The following CILK1 variants were observed in gnomAD, a reference collection of about 807,000 sequenced individuals.
The protein encoded by CILK1 is serine/threonine-protein kinase ICK.
In CILK1, 47 loss-of-function variants were observed where a neutral mutation model predicts 79.2. That is an observed-to-expected ratio of 0.59 (90% CI 0.47 to 0.76). The LOEUF (loss-of-function observed/expected upper bound fraction) is 0.76, where lower values mean the gene tolerates loss of function less well. Ranked by LOEUF, CILK1 falls within the 30% of genes least tolerant of loss-of-function variation. The pLI, the probability that CILK1 is intolerant of heterozygous loss-of-function variation, is 0.00. For synonymous variants in CILK1, 266 were observed against 275.9 expected, an observed-to-expected ratio of 0.96 and a Z score of 0.36; for missense variants, 660 against 769.5, an observed-to-expected ratio of 0.86 and a Z score of 1.68.
intron 3 of CILK1, 136 bp downstream of exon 3, chr6:53,037,803 G>C (rs1766456974): frequency 3.1e-6 from 2 of 639,826 alleles, no homozygotes; most frequent in Non-Finnish European, 5.6e-6. Flanking sequence ...TGCTTCAGCT[G>C]TAATGTTATC....
In CILK1 at chr6:53,031,158, A is replaced by G. The variant is rs1310173810; in HGVS notation, c.279-14T>C. On this transcript the variant is annotated splice_polypyrimidine_tract_variant and intron_variant, in intron 4 of 13. Coordinates refer to ENST00000676107, the MANE Select transcript of CILK1 (RefSeq NM_014920.5). ...AACAACTTATTTCTGTATGAGGCAG[A>G]GGAAAACAAAGTTATAAATCAAAGG... 1 of 1,517,728 alleles carries G rather than the reference A, an allele frequency of 6.6e-7. No individual in the cohort carries two copies. The highest frequency in any genetic ancestry group is 1.4e-5 in the African/African-American group (1 of 73,034). 94.0% of individuals were successfully genotyped at this position (1,517,728 alleles called of 1,614,324 possible).
chr6:53,050,193 T>A lies in CILK1; in HGVS notation c.-172-8785A>T, dbSNP rs552974362. Reference sequence around the variant, plus strand: ...CAAAAATTTGATACTTGACAAGACATCACAATTCCAGCCTGAAATCTCTGA... The same window carrying A: ...CAAAAATTTGATACTTGACAAGACAACACAATTCCAGCCTGAAATCTCTGA... On this transcript the variant is annotated intron_variant, in intron 1 of 13. Coordinates refer to ENST00000676107, the MANE Select transcript of CILK1 (RefSeq NM_014920.5). Among the ~76,000 whole-genome samples, 4 of 152,182 alleles carry A rather than the reference T, an allele frequency of 2.6e-5. No individual in the cohort carries two copies. The South Asian group carries it at 8.3e-4, about 32-fold the overall frequency.
In CILK1 at chr6:53,018,493, G is replaced by T; in HGVS notation, c.500C>A (p.Ala167Asp). The T allele has an allele frequency of 1.9e-6, 3 of 1,614,126 alleles. No homozygotes were observed. Among genetic ancestry groups the T allele is most frequent in the South Asian group, 1.1e-5 (1 of 91,072 alleles). Residue 167 changes from alanine to aspartate, a missense_variant, in exon 7 of 14, where the codon GCT becomes GAT. Coordinates refer to ENST00000676107, the MANE Select transcript of CILK1 (RefSeq NM_014920.5). ...GGTAGACCTCAGGAGTACTTCTGGA[G>T]CCCTGTACCTGGAGGAACAAAGGTT... ...TDYVSTRWYRAPEVLLRSTNY... is the reference protein window; with the variant it reads ...TDYVSTRWYRDPEVLLRSTNY...
At position 53,002,623 on chromosome 6, in the gene CILK1, A is replaced by G. The variant is rs1763994352; in HGVS notation, c.*2526T>C. Reference sequence around the variant, plus strand: ...ACCCATTTCAGAGAAGGGGAGGAAGAGTAATTCACAGCATTTGCTAGTTAA... The same window carrying G: ...ACCCATTTCAGAGAAGGGGAGGAAGGGTAATTCACAGCATTTGCTAGTTAA... On this transcript the variant is annotated 3_prime_UTR_variant, in exon 14 of 14. Coordinates refer to ENST00000676107, the MANE Select transcript of CILK1 (RefSeq NM_014920.5). The G allele has an allele frequency of 6.6e-6, 1 of 152,210 alleles. No individual in the cohort carries two copies. Among genetic ancestry groups the G allele is most frequent in the Non-Finnish European group, 1.5e-5 (1 of 68,050 alleles). The allele number at this position is 152,210 out of a possible 1,614,324, so 9.4% of individuals were successfully genotyped here. A position where few individuals can be genotyped will look rare whatever the true frequency, so the allele number is the denominator to read the frequency against.
At position 53,004,919 on chromosome 6, in the gene CILK1, A is replaced by G. The variant is rs1431073071; in HGVS notation, c.*230T>C. Reference sequence around the variant, plus strand: ...TGCTGTTGTTTAAGAAAATAATGGGACCCAGTTTTAGAATAAAATAATTTT... The same window carrying G: ...TGCTGTTGTTTAAGAAAATAATGGGGCCCAGTTTTAGAATAAAATAATTTT... On this transcript the variant is annotated 3_prime_UTR_variant, in exon 14 of 14. Coordinates refer to ENST00000676107, the MANE Select transcript of CILK1 (RefSeq NM_014920.5). 1.3e-4 allele frequency: 58 copies of G among 453,448 alleles called. No homozygotes were observed. Among genetic ancestry groups the G allele is most frequent in the Non-Finnish European group, 1.2e-5 (3 of 255,652 alleles). 28.1% of individuals were successfully genotyped at this position (453,448 alleles called of 1,614,324 possible).
At chr6:53,014,012 A>G (rs935247965) in intron 8 of CILK1, 30 bp from the exon 9 acceptor site, 2 of 1,571,486 alleles carry the variant, frequency 1.3e-6, no homozygotes, top group Non-Finnish European at 1.7e-6. Flanking sequence ...TTTAGGAGAA[A>G]AGTCTAGCCA....
intron 2 of CILK1, among the ~76,000 whole-genome samples, chr6:53,039,846 G>C (rs780622020): frequency 2.0e-5 from 3 of 152,206 alleles, no homozygotes; most frequent in Non-Finnish European, 4.4e-5. Flanking sequence ...GGTGGAGGTG[G>C]CAAATGGTAA....
At chr6:53,045,824 A>G (rs1166958691) in intron 1 of CILK1, among the ~76,000 whole-genome samples, 1 of 136,302 alleles carries the variant, frequency 7.3e-6, no homozygotes, top group Non-Finnish European at 1.6e-5. Context: ...TGGAAGCTTG[A>G]TTTGTCAAAA....
intron 1 of CILK1, among the ~76,000 whole-genome samples, chr6:53,054,213 A>G (rs1767686766): frequency 6.6e-6 from 1 of 151,778 alleles, no homozygotes; most frequent in Non-Finnish European, 1.5e-5. Context: ...GCCCCAACCT[A>G]CACATATAGA....
chr6:53,005,360 C>T (rs1441669581), intron 13 of CILK1, 57 bp from the exon 14 acceptor site: 3 of 1,575,870 alleles, frequency 1.9e-6, no homozygotes, highest in Non-Finnish European at 2.6e-6. Context: ...AAGCAAAGTA[C>T]AAATAAATGC....
chr6:53,040,234 G>A (rs928572689), intron 2 of CILK1, among the ~76,000 whole-genome samples: 2 of 152,112 alleles, frequency 1.3e-5, no homozygotes, highest in African/African-American at 4.8e-5. Context: ...CTCCTTCAAC[G>A]ACTTGCTTCT....
intron 1 of CILK1, among the ~76,000 whole-genome samples, chr6:53,042,817 G>C (rs1480539314): frequency 1.3e-5 from 2 of 152,144 alleles, no homozygotes; most frequent in African/African-American, 2.4e-5. Flanking sequence ...CCCTGGAATA[G>C]AAAAGGACAC....
chr6:53,025,882 T>C (rs918383272), intron 5 of CILK1, among the ~76,000 whole-genome samples: 2 of 152,244 alleles, frequency 1.3e-5, no homozygotes, highest in Non-Finnish European at 2.9e-5. Flanking sequence ...TAATTAAAAG[T>C]ATAAGATCCT....
intron 3 of CILK1, among the ~76,000 whole-genome samples, chr6:53,033,712 A>G (rs1311482040): frequency 1.3e-5 from 2 of 152,250 alleles, no homozygotes; most frequent in African/African-American, 4.8e-5. Context: ...CAAAGAAAAC[A>G]TGTGAAGAGG....
At chr6:53,042,787 A>G (rs1346410672) in intron 1 of CILK1, among the ~76,000 whole-genome samples, 1 of 152,210 alleles carries the variant, frequency 6.6e-6, no homozygotes, top group African/African-American at 2.4e-5. Context: ...AATAAATGCA[A>G]TGTGGGATCC....
At chr6:53,060,413 C>T (rs1017959672) in intron 1 of CILK1, among the ~76,000 whole-genome samples, 1 of 152,204 alleles carries the variant, frequency 6.6e-6, no homozygotes, top group Non-Finnish European at 1.5e-5. Flanking sequence ...TCCCTGCTGC[C>T]TGGCCACCAG....
rs879525114 is a variant in CILK1 at position 53,001,829 on chromosome 6, G to C, written c.*3320C>G. On this transcript the variant is annotated 3_prime_UTR_variant, in exon 14 of 14. Coordinates refer to ENST00000676107, the MANE Select transcript of CILK1 (RefSeq NM_014920.5). ...TCTTCTTATAAACATATTGCTTTTG[G>C]TCATACACTGAACTGAAATGTACAG... The C allele has an allele frequency of 6.6e-6, 1 of 152,542 alleles. No homozygotes were observed. The highest frequency in any genetic ancestry group is 1.5e-5 in the Non-Finnish European group (1 of 68,024). The allele number at this position is 152,542 out of a possible 1,614,324, so 9.4% of individuals were successfully genotyped here. A position where few individuals can be genotyped will look rare whatever the true frequency, so the allele number is the denominator to read the frequency against.
At chr6:53,043,904 T>A (rs1766883666) in intron 1 of CILK1, among the ~76,000 whole-genome samples, 2 of 151,882 alleles carry the variant, frequency 1.3e-5, no homozygotes. Context: ...GGAAAAATCT[T>A]CATAAAAGAT....
At chr6:53,040,642 T>C (rs1766639215) in intron 2 of CILK1, among the ~76,000 whole-genome samples, 1 of 152,212 alleles carries the variant, frequency 6.6e-6, no homozygotes, top group African/African-American at 2.4e-5. Flanking sequence ...CCAGAGAAAC[T>C]GTGAGATAAT....
Sources: allele counts gnomAD v4.1 joint callset (sites outside exome capture counted in the v4.1 genomes callset), GRCh38; gene constraint gnomAD v4.1.1; transcripts MANE v1.5; gene names NCBI Gene and HGNC (gene_info 2026-07-23, HGNC 2026-07-21).